PARD3: variants seen among roughly 807,000 people sequenced by gnomAD.
The protein encoded by PARD3 is partitioning defective 3 homolog.
Under a neutral mutation model 155.4 loss-of-function variants are expected in PARD3, and 75 were observed. The ratio of observed to expected loss-of-function variants is 0.48; its 90% CI spans 0.40 to 0.58. The LOEUF (loss-of-function observed/expected upper bound fraction) is 0.58, where lower values mean the gene tolerates loss of function less well. PARD3 is among the 20% of genes least tolerant of loss of function. The probability of loss-of-function intolerance (pLI) is 0.00; values close to 1 mark genes in which losing one functional copy is unlikely to be tolerated. For missense variants in PARD3, 1,642 were observed against 1,721.7 expected, an observed-to-expected ratio of 0.95 and a Z score of 0.82; for synonymous variants, 576 against 610.5, an observed-to-expected ratio of 0.94 and a Z score of 0.83.
At chr10:34,220,878 C>T (rs1271995685) in intron 22 of PARD3, among the ~76,000 whole-genome samples, 2 of 152,106 alleles carry the variant, frequency 1.3e-5, no homozygotes, top group Non-Finnish European at 2.9e-5. Flanking sequence ...CTCTTGGTAC[C>T]CACGCATTAC....
intron 22 of PARD3, among the ~76,000 whole-genome samples, chr10:34,260,034 C>G (rs1954873923): frequency 6.6e-6 from 1 of 152,120 alleles, no homozygotes; most frequent in East Asian, 1.9e-4. Context: ...GAGACGGGGT[C>G]TCACTGTGTT....
chr10:34,398,600 C>A (rs1392310878), intron 7 of PARD3, among the ~76,000 whole-genome samples: 1 of 152,124 alleles, frequency 6.6e-6, no homozygotes, highest in Non-Finnish European at 1.5e-5. Context: ...GGAAAGGATG[C>A]GGTGCACCTC....
At chr10:34,368,232 A>G (rs1271385303) in intron 12 of PARD3, among the ~76,000 whole-genome samples, 1 of 152,230 alleles carries the variant, frequency 6.6e-6, no homozygotes, top group African/African-American at 2.4e-5. Flanking sequence ...AGCAAGACAA[A>G]TGCATTCTAC....
At chr10:34,335,386 G>A (rs1009831103) in intron 18 of PARD3, among the ~76,000 whole-genome samples, 1 of 151,972 alleles carries the variant, frequency 6.6e-6, no homozygotes. Flanking sequence ...GCTAAGTAGT[G>A]TAACTACATC....
At chr10:34,420,031 A>T (rs1846042003) in intron 5 of PARD3, among the ~76,000 whole-genome samples, 1 of 152,244 alleles carries the variant, frequency 6.6e-6, no homozygotes, top group African/African-American at 2.4e-5. Context: ...GGCATACTGC[A>T]GCGTCTGCCT....
intron 4 of PARD3, among the ~76,000 whole-genome samples, chr10:34,452,101 T>A (rs1444936634): frequency 2.6e-5 from 4 of 152,102 alleles, no homozygotes; most frequent in Admixed American, 2.6e-4. Context: ...TACACTGAAA[T>A]GCAAGTATAA....
intron 3 of PARD3, among the ~76,000 whole-genome samples, chr10:34,514,051 T>G (rs1451502276): frequency 6.6e-6 from 1 of 152,158 alleles, no homozygotes; most frequent in Non-Finnish European, 1.5e-5. Flanking sequence ...TAAAAAGACC[T>G]CAAGATGAGA....
chr10:34,684,327 T>G (rs1245845919), intron 2 of PARD3, among the ~76,000 whole-genome samples: 1 of 152,172 alleles, frequency 6.6e-6, no homozygotes, highest in Non-Finnish European at 1.5e-5. Flanking sequence ...TGCACTAAAG[T>G]TAGATTATAT....
chr10:34,201,518 T>G (rs896141108), intron 22 of PARD3, among the ~76,000 whole-genome samples: 1 of 152,190 alleles, frequency 6.6e-6, no homozygotes, highest in African/African-American at 2.4e-5. Flanking sequence ...ATAGAATGCT[T>G]TGGAGAGAGA....
intron 18 of PARD3, 110 bp downstream of exon 18, chr10:34,336,089 G>A (rs887483988): frequency 3.8e-5 from 28 of 745,886 alleles, no homozygotes; most frequent in South Asian, 6.9e-5. Context: ...AAACATCTGC[G>A]TAAGACTGGA....
chr10:34,346,812 A>G lies in PARD3; in HGVS notation c.2218+1153T>C, dbSNP rs192617748. Among the ~76,000 whole-genome samples, 1,000 of 152,386 alleles carry G rather than the reference A, an allele frequency of 6.6e-3. 15 individuals carry two copies. The highest frequency in any genetic ancestry group is 0.03 in the Admixed American group (459 of 15,308). On this transcript the variant is annotated intron_variant, in intron 15 of 24. Transcript: ENST00000374788. Reference sequence around the variant, plus strand: ...TTGTCTAAGTTCCACATGTAACAAGATAAGAAATTACATATTCAGCAATTT... The same window carrying G: ...TTGTCTAAGTTCCACATGTAACAAGGTAAGAAATTACATATTCAGCAATTT...
rs146189024 is a variant in PARD3, at chr10:34,742,354, T to C, written c.121-45935A>G. 2.1e-3 allele frequency among the ~76,000 whole-genome samples: 321 copies of C among 152,328 alleles called. 2 individuals carry two copies. Among genetic ancestry groups the C allele is most frequent in the African/African-American group, 7.3e-3 (304 of 41,576 alleles). On this transcript the variant is annotated intron_variant, in intron 1 of 24. Transcript: ENST00000374788. ...TGCAACAATTCAACAAAAGAGATTG[T>C]TCAGCTAGAGATCAACAGATTAATA...
intron 1 of PARD3, among the ~76,000 whole-genome samples, chr10:34,794,418 A>G (rs1564626378): frequency 6.6e-6 from 1 of 152,254 alleles, no homozygotes; most frequent in East Asian, 1.9e-4. Flanking sequence ...GGCACACAAA[A>G]GTTAATTTCT....
chr10:34,268,856 A>G (rs1440551664), intron 22 of PARD3, among the ~76,000 whole-genome samples: 1 of 152,190 alleles, frequency 6.6e-6, no homozygotes, highest in Non-Finnish European at 1.5e-5. Flanking sequence ...GCAGCACGCC[A>G]ACATGGCACA....
intron 5 of PARD3, among the ~76,000 whole-genome samples, chr10:34,446,931 AAC>A (rs2076768062): frequency 6.6e-6 from 1 of 152,354 alleles, no homozygotes; most frequent in African/African-American, 2.4e-5. Flanking sequence ...TAAATTGAAA[AAC>A]AATTTATTCC....
intron 22 of PARD3, among the ~76,000 whole-genome samples, chr10:34,196,153 C>A (rs1030088660): frequency 6.6e-6 from 1 of 152,218 alleles, no homozygotes; most frequent in African/African-American, 2.4e-5. Context: ...GGCCTGTGAG[C>A]TCCTTTGTCT....
At chr10:34,508,200 C>T (rs776355479) in intron 3 of PARD3, among the ~76,000 whole-genome samples, 6 of 151,962 alleles carry the variant, frequency 3.9e-5, no homozygotes, top group Non-Finnish European at 7.4e-5. Context: ...TAATTAAATA[C>T]CATCATTTCA....
At chr10:34,660,895 T>C (rs1429858402) in intron 2 of PARD3, among the ~76,000 whole-genome samples, 2 of 152,208 alleles carry the variant, frequency 1.3e-5, no homozygotes, top group Non-Finnish European at 2.9e-5. Context: ...ATTATAATTT[T>C]TTAAATTTTT....
chr10:34,175,359 G>A (rs1000728605), intron 22 of PARD3, among the ~76,000 whole-genome samples: 15 of 152,182 alleles, frequency 9.9e-5, no homozygotes, highest in African/African-American at 3.6e-4. Flanking sequence ...CTGCTAGTGT[G>A]TGTGTACATG....
Sources: allele counts gnomAD v4.1 joint callset (sites outside exome capture counted in the v4.1 genomes callset), GRCh38; gene constraint gnomAD v4.1.1; transcripts MANE v1.5; gene names NCBI Gene and HGNC (gene_info 2026-07-23, HGNC 2026-07-21).